UNC13B: variants seen among roughly 807,000 people sequenced by gnomAD.
UNC13B encodes protein unc-13 homolog B.
Under a neutral mutation model 211.0 loss-of-function variants are expected in UNC13B, and 144 were observed. The observed-to-expected ratio is 0.68, with a 90% CI of 0.60 to 0.78. The LOEUF (loss-of-function observed/expected upper bound fraction) is 0.78. Ranked by LOEUF, UNC13B falls within the 30% of genes least tolerant of loss-of-function variation. UNC13B has a pLI of 0.00. For missense variants in UNC13B, 1,777 were observed against 2,002.0 expected (o/e 0.89, Z 2.14); for synonymous variants, 709 against 725.8 (o/e 0.98, Z 0.37).
At position 35,376,017 on chromosome 9, in the gene UNC13B, G is replaced by A; in HGVS notation, c.9616-11G>A. The A allele has an allele frequency of 6.2e-7, 1 of 1,613,900 alleles. No individual in the cohort carries two copies. The highest frequency in any genetic ancestry group is 8.5e-7 in the Non-Finnish European group (1 of 1,179,792). On this transcript the variant is annotated splice_polypyrimidine_tract_variant and intron_variant, in intron 14 of 39. Transcript: ENST00000635942. ...AAACAAAAATCATGGGATGGGGTAT[G>A]TGTCTTTCAGAAATCCCACGTGTAT...
chr9:35,285,245 C>A (rs1360235725), intron 7 of UNC13B, among the ~76,000 whole-genome samples: 1 of 152,184 alleles, frequency 6.6e-6, no homozygotes, highest in Non-Finnish European at 1.5e-5. Flanking sequence ...TATTATTCTT[C>A]TGTCTGGGAG....
At chr9:35,256,493 A>T (rs1044427000) in intron 6 of UNC13B, among the ~76,000 whole-genome samples, 4 of 152,158 alleles carry the variant, frequency 2.6e-5, no homozygotes, top group African/African-American at 4.8e-5. Context: ...TCTTTATCAG[A>T]TTAAGGAAAT....
intron 7 of UNC13B, among the ~76,000 whole-genome samples, chr9:35,268,559 C>T (rs764541078): frequency 8.5e-5 from 13 of 152,144 alleles, no homozygotes; most frequent in African/African-American, 1.2e-4. Context: ...ACGGAGGTTG[C>T]GGTGAGCCAA....
intron 7 of UNC13B, among the ~76,000 whole-genome samples, chr9:35,260,013 G>A (rs1587489538): frequency 1.5e-5 from 1 of 67,232 alleles, no homozygotes; most frequent in East Asian, 5.0e-4. Context: ...ACCAGTTTGG[G>A]CAACAAACAG....
At position 35,381,130 on chromosome 9, in the gene UNC13B, G is replaced by C; in HGVS notation, c.10406G>C (p.Gly3469Ala). The C allele has an allele frequency of 6.2e-7, 1 of 1,614,098 alleles. No individual in the cohort carries two copies. The highest frequency in any genetic ancestry group is 8.5e-7 in the Non-Finnish European group (1 of 1,180,010). The change falls in exon 19 of 40, where the codon GGG becomes GCG. Residue 3469 changes from glycine (G) to alanine (A), a missense_variant. Coordinates refer to ENST00000635942, the MANE Select transcript of UNC13B (RefSeq NM_001371189.2). Reference protein sequence around the residue: ...EKRTDKSAVSGAIRLQISVEI... With the variant: ...EKRTDKSAVSAAIRLQISVEI... The stretch of plus-strand genomic sequence containing the variant: ...AGGACAGACAAATCAGCCGTCTCAG[G>C]GGCTATCCGACTACAAATCAGTGTG...
At position 35,300,378 on chromosome 9, in the gene UNC13B, G is replaced by T; in HGVS notation, c.974G>T (p.Gly325Val). ...GYPVLYPYKNGFVVKSGMQRI... is the reference protein window; with the variant it reads ...GYPVLYPYKNVFVVKSGMQRI... ...CCAGTTTTGTACCCCTACAAAAATG[G>T]ATTTGTGGTTAAGAGTGGCATGCAG... The change falls in exon 9 of 40, where the codon GGA (glycine) becomes GTA (valine). Residue 325 changes from glycine (G) to valine (V), a missense_variant. Transcript: ENST00000635942. The T allele has an allele frequency of 5.0e-6, 2 of 398,966 alleles. No homozygotes were observed. The highest frequency in any genetic ancestry group is 8.8e-5 in the Admixed American group (2 of 22,728). 24.7% of individuals were successfully genotyped at this position (398,966 alleles called of 1,614,324 possible).
At chr9:35,356,451 T>C (rs1306011489) in intron 11 of UNC13B, among the ~76,000 whole-genome samples, 4 of 152,140 alleles carry the variant, frequency 2.6e-5, no homozygotes, top group African/African-American at 9.7e-5. Flanking sequence ...AATTCTTTTA[T>C]TCCTGTCACT....
chr9:35,286,326 A>G (rs1445787177), intron 7 of UNC13B, among the ~76,000 whole-genome samples: 1 of 144,658 alleles, frequency 6.9e-6, no homozygotes, highest in Non-Finnish European at 1.5e-5. Flanking sequence ...TCCACCTCCC[A>G]AGTTCAAGTG....
Position 35,353,597 on chromosome 9 carries a change from G to A in UNC13B, c.9415-13350G>A. On this transcript the variant is annotated intron_variant, in intron 11 of 39. Transcript: ENST00000635942. ...TAACTCCTTGCCAAGTGTTGCTCTG[G>A]CTCCATGTCTGGGAAGTGAGACTTG... The A allele has an allele frequency of 2.4e-6, 3 of 1,232,122 alleles. No individual in the cohort carries two copies. In the East Asian group the frequency reaches 9.5e-5, roughly 39 times the overall value. The allele number at this position is 1,232,122 out of a possible 1,614,324, so 76.3% of individuals were successfully genotyped here. A position where few individuals can be genotyped will look rare whatever the true frequency, so the allele number is the denominator to read the frequency against.
intron 12 of UNC13B, 87 bp from the exon 13 acceptor site, chr9:35,370,231 A>T: frequency 1.8e-6 from 2 of 1,100,984 alleles, no homozygotes; most frequent in Non-Finnish European, 2.7e-6. Context: ...CTCTGGGGAG[A>T]GGGAGAGCAA....
At chr9:35,190,450 A>G (rs1423587549) in intron 1 of UNC13B, among the ~76,000 whole-genome samples, 1 of 152,224 alleles carries the variant, frequency 6.6e-6, no homozygotes, top group East Asian at 1.9e-4. Context: ...CAAAACTATC[A>G]GATAACACAA....
intron 1 of UNC13B, among the ~76,000 whole-genome samples, chr9:35,221,833 A>C (rs1399610749): frequency 6.6e-6 from 1 of 152,226 alleles, no homozygotes; most frequent in Non-Finnish European, 1.5e-5. Flanking sequence ...TATTGTGTAC[A>C]GTAAGGATAA....
At chr9:35,294,057 A>G (rs202178666) in intron 7 of UNC13B, among the ~76,000 whole-genome samples, 1 of 138,376 alleles carries the variant, frequency 7.2e-6, no homozygotes, top group African/African-American at 2.5e-5. Context: ...TAAAACCCAC[A>G]TGTTTGTGCT....
rs753146079 is a variant in UNC13B at position 35,399,194 on chromosome 9, G to A, written c.12108G>A (p.Thr4036=). 15 of 1,614,118 alleles carry A rather than the reference G, an allele frequency of 9.3e-6. No individual in the cohort carries two copies. The highest frequency in any genetic ancestry group is 1.6e-4 in the Middle Eastern group (1 of 6,062). ...LTLFATVCEK[T]VLKRVLKELW... ...TCTTTGCCACTGTGTGTGAGAAGACGGTTCTGAAGCGTGTACTGAAGGAGC... is the reference window on the plus strand; with the variant it reads ...TCTTTGCCACTGTGTGTGAGAAGACAGTTCTGAAGCGTGTACTGAAGGAGC... Residue 4036 remains threonine (T), a synonymous_variant, in exon 34 of 40, where the codon ACG becomes ACA. Transcript: ENST00000635942.
At chr9:35,371,361 T>C (rs891175300) in intron 13 of UNC13B, among the ~76,000 whole-genome samples, 11 of 151,298 alleles carry the variant, frequency 7.3e-5, no homozygotes, top group Non-Finnish European at 1.6e-4. Context: ...TTTTTTTTTT[T>C]TTTATAGAGA....
At chr9:35,235,215 T>C (rs943429217) in intron 3 of UNC13B, among the ~76,000 whole-genome samples, 1 of 152,218 alleles carries the variant, frequency 6.6e-6, no homozygotes, top group African/African-American at 2.4e-5. Context: ...TTTTTTCCCC[T>C]GGTTATTATT....
At chr9:35,370,690 T>C (rs935814074) in intron 13 of UNC13B, among the ~76,000 whole-genome samples, 1 of 152,242 alleles carries the variant, frequency 6.6e-6, no homozygotes, top group Non-Finnish European at 1.5e-5. Flanking sequence ...CTTATAGGTA[T>C]CTCTACAGCC....
rs764161830 is a variant in UNC13B at position 35,386,240 on chromosome 9, T to C, written c.11041T>C (p.Tyr3681His). 1.2e-6 allele frequency: 2 copies of C among 1,614,162 alleles called. No individual in the cohort carries two copies. The highest frequency in any genetic ancestry group is 1.7e-6 in the Non-Finnish European group (2 of 1,180,016). Reference sequence around the variant, plus strand: ...TGTGAAGGCCTGTTTGAACTCCACATATGAATATATCTTCAACAACTGCCA... The same window carrying C: ...TGTGAAGGCCTGTTTGAACTCCACACATGAATATATCTTCAACAACTGCCA... ...DCVKACLNST[Y>H]EYIFNNCHDL... The change falls in exon 24 of 40, where the codon TAT becomes CAT. Residue 3681 changes from tyrosine to histidine, a missense_variant. Coordinates refer to ENST00000635942, the MANE Select transcript of UNC13B (RefSeq NM_001371189.2).
intron 7 of UNC13B, among the ~76,000 whole-genome samples, chr9:35,278,279 C>T (rs1828288874): frequency 1.3e-5 from 2 of 152,166 alleles, no homozygotes; most frequent in South Asian, 4.1e-4. Context: ...TCCTCATTAT[C>T]ATCTATCACC....
Sources: gnomAD v4.1 joint callset for allele counts (sites outside exome capture counted in the v4.1 genomes callset) on GRCh38, gnomAD v4.1.1 for gene constraint, MANE v1.5 for transcripts, NCBI Gene and HGNC (gene_info 2026-07-23, HGNC 2026-07-21) for gene names.